STK3: variants seen among roughly 807,000 people sequenced by gnomAD.
The protein encoded by STK3 is serine/threonine kinase 3, also known as serine/threonine-protein kinase 3.
A neutral mutation model predicts 58.0 loss-of-function variants in STK3; 41 were observed. The observed-to-expected ratio is 0.71, with a 90% CI of 0.55 to 0.92. STK3 has a LOEUF of 0.92. Ranked by LOEUF, STK3 falls within the 40% of genes least tolerant of loss-of-function variation. The probability of loss-of-function intolerance (pLI) is 0.00; values close to 1 mark genes in which losing one functional copy is unlikely to be tolerated. For synonymous variants in STK3, 170 were observed against 191.0 expected (o/e 0.89, Z 0.91); for missense variants, 479 against 602.7 (o/e 0.79, Z 2.15).
chr8:98,916,181 G>T (rs149131101), intron 1 of STK3, among the ~76,000 whole-genome samples: 9,715 of 152,246 alleles, frequency 0.064, 410 homozygotes, highest in South Asian at 0.1. Flanking sequence ...TTGGGAGACC[G>T]AGGCGAGTGG....
Position 98,571,336 on chromosome 8 carries a change from A to G in STK3, c.948+8328T>C, listed in dbSNP as rs577358239. 8.5e-5 allele frequency among the ~76,000 whole-genome samples: 13 copies of G among 152,206 alleles called. No individual in the cohort carries two copies. In the South Asian group the frequency reaches 2.7e-3, roughly 32 times the overall value. ...AGAGAGTGAGACTCCATCTCAAAGA[A>G]AAAAAGAAGGTAGACTTTTGAAGGT... On this transcript the variant is annotated intron_variant, in intron 8 of 10. Coordinates refer to ENST00000419617, the MANE Select transcript of STK3 (RefSeq NM_006281.4).
chr8:98,847,557 G>A (rs144526269), intron 3 of STK3, among the ~76,000 whole-genome samples: 242 of 152,262 alleles, frequency 1.6e-3, no homozygotes, highest in African/African-American at 5.6e-3. Flanking sequence ...CCAAGATCCA[G>A]TAGTCTTTCT....
intron 3 of STK3, chr8:98,427,742 G>A: frequency 2.4e-6 from 1 of 421,606 alleles, no homozygotes; most frequent in East Asian, 3.6e-5. Context: ...CCCCTGGGGT[G>A]GAGCTGTGCT....
chr8:98,777,852 TC>T (rs1182563998), intron 1 of STK3, among the ~76,000 whole-genome samples: 1 of 152,198 alleles, frequency 6.6e-6, no homozygotes, highest in African/African-American at 2.4e-5. Context: ...CTGGATCCCT[TC>T]CTTACACCTT....
chr8:98,798,846 G>A (rs1243273522), intron 1 of STK3, among the ~76,000 whole-genome samples: 1 of 152,162 alleles, frequency 6.6e-6, no homozygotes, highest in Non-Finnish European at 1.5e-5. Flanking sequence ...AGGTCATGAG[G>A]GCTCCTCACC....
At chr8:98,621,016 G>A (rs1464954631) in intron 6 of STK3, among the ~76,000 whole-genome samples, 8 of 146,108 alleles carry the variant, frequency 5.5e-5, no homozygotes, top group Admixed American at 7.1e-5. Flanking sequence ...TGCAAGCTCC[G>A]CTTCCCGGGT....
At position 98,596,054 on chromosome 8, in the gene STK3, G is replaced by GCTCT. The variant is rs1815802009; in HGVS notation, c.796_799dup (p.Ala267GlufsTer35). On this transcript the variant is annotated frameshift_variant, in exon 7 of 11. Transcript: ENST00000419617. LOFTEE classifies it high-confidence loss of function. ...GACCTGTAAAAGTTGTGTTGCAGTAGCTCTCTGCTCAGGATTCTTCACCAA... is the reference window on the plus strand; with the variant it reads ...GACCTGTAAAAGTTGTGTTGCAGTAGCTCTCTCTCTGCTCAGGATTCTTCACCAA... 1.9e-6 allele frequency: 3 copies of GCTCT among 1,613,158 alleles called. No homozygotes were observed. The highest frequency in any genetic ancestry group is 2.5e-6 in the Non-Finnish European group (3 of 1,179,578).
rs1819739711 is a variant in STK3 at position 98,637,956 on chromosome 8, AT to A, written c.685-41788del. On this transcript the variant is annotated intron_variant, in intron 6 of 10. Transcript: ENST00000419617. ...ATCTTATTAGGTGTTGGCACCCAAC[AT>A]TTTCTTATAATCTATCATGTAAAGA... Among the ~76,000 whole-genome samples, 2 of 152,164 alleles carry A rather than the reference AT, an allele frequency of 1.3e-5. 1 individual carries two copies. Among genetic ancestry groups the A allele is most frequent in the South Asian group, 4.1e-4 (2 of 4,830 alleles).
At position 98,428,058 on chromosome 8, in the gene STK3, A is replaced by G. The variant is rs748684605; in HGVS notation, n.483+6069T>C. 1.2e-6 allele frequency: 2 copies of G among 1,613,066 alleles called. No homozygotes were observed. The highest frequency in any genetic ancestry group is 2.2e-5 in the South Asian group (2 of 90,990). ...GATCCGCATCAATGTGGGCGGCTTCAAGAGGAGGCTGCGCTCGCACACGCT... is the reference window on the plus strand; with the variant it reads ...GATCCGCATCAATGTGGGCGGCTTCGAGAGGAGGCTGCGCTCGCACACGCT... On this transcript the variant is annotated intron_variant and non_coding_transcript_variant, in intron 3 of 3. Transcript: ENST00000517832. The surrounding 1 kb of genome is among the most constrained non-coding windows in gnomAD (Gnocchi z 6.7).
intron 6 of STK3, among the ~76,000 whole-genome samples, chr8:98,618,460 C>T (rs536558252): frequency 3.3e-5 from 5 of 152,134 alleles, no homozygotes; most frequent in South Asian, 4.2e-4. Flanking sequence ...GAAGTTCTGG[C>T]CAGGGCAATC....
intron 4 of STK3, among the ~76,000 whole-genome samples, chr8:98,727,693 C>G (rs910601258): frequency 6.6e-6 from 1 of 152,074 alleles, no homozygotes; most frequent in Non-Finnish European, 1.5e-5. Context: ...CAATAATTGG[C>G]GGAAAGAAAA....
intron 4 of STK3, among the ~76,000 whole-genome samples, chr8:98,723,851 A>G (rs192637325): frequency 6.6e-6 from 1 of 152,266 alleles, no homozygotes; most frequent in East Asian, 1.9e-4. Flanking sequence ...CAGTCTTTTA[A>G]GGCCTGGATC....
intron 1 of STK3, among the ~76,000 whole-genome samples, chr8:98,936,052 A>G (rs1000525256): frequency 6.6e-5 from 10 of 151,988 alleles, no homozygotes; most frequent in Non-Finnish European, 1.3e-4. Context: ...AAGTAGTGGG[A>G]CTACAGGTGC....
chr8:98,579,546 A>G (rs752732353), intron 8 of STK3, 118 bp downstream of exon 8: 95 of 1,259,598 alleles, frequency 7.5e-5, no homozygotes, highest in Admixed American at 4.5e-4. Flanking sequence ...TTGAGATTCA[A>G]TGAAAAAACA....
intron 6 of STK3, among the ~76,000 whole-genome samples, chr8:98,669,029 C>T (rs2130829120): frequency 7.4e-6 from 1 of 134,844 alleles, no homozygotes; most frequent in East Asian, 2.2e-4. Flanking sequence ...CTTGCTCTCG[C>T]TCTGTTGCCC....
At chr8:98,363,698 C>G in the STK3 span, among the ~76,000 whole-genome samples, 3 of 152,204 alleles carry the variant, frequency 2.0e-5, no homozygotes, top group Middle Eastern at 3.2e-3. Context: ...GAACTTGAGG[C>G]CCCAAGGGGG....
intron 6 of STK3, among the ~76,000 whole-genome samples, chr8:98,704,099 C>T (rs1004514117): frequency 3.9e-5 from 6 of 152,096 alleles, no homozygotes; most frequent in African/African-American, 1.4e-4. Flanking sequence ...AAATAAACTA[C>T]AAGGCTCTTT....
chr8:98,675,551 A>C (rs1459277839), intron 6 of STK3, among the ~76,000 whole-genome samples: 1 of 152,142 alleles, frequency 6.6e-6, no homozygotes, highest in Non-Finnish European at 1.5e-5. Flanking sequence ...TTCTGGGTAT[A>C]TACCTAAAAG....
intron 10 of STK3, among the ~76,000 whole-genome samples, chr8:98,485,660 T>G (rs2131298730): frequency 6.6e-6 from 1 of 151,892 alleles, no homozygotes; most frequent in African/African-American, 2.4e-5. Flanking sequence ...CACAAGGAAA[T>G]AGTACAGACA....
Sources: gnomAD v4.1 joint callset for allele counts (sites outside exome capture counted in the v4.1 genomes callset) on GRCh38, gnomAD v4.1.1 for gene constraint, Gnocchi (gnomAD v3.1) non-coding constraint, MANE v1.5 for transcripts, NCBI Gene and HGNC (gene_info 2026-07-23, HGNC 2026-07-21) for gene names.